Variants in RSU1 observed in about 807,000 individuals in gnomAD.
The protein encoded by RSU1 is rsu-1.
Under a neutral mutation model 31.1 loss-of-function variants are expected in RSU1, and 26 were observed. The ratio of observed to expected loss-of-function variants is 0.84; its 90% CI spans 0.61 to 1.16. The LOEUF (loss-of-function observed/expected upper bound fraction) is 1.16. RSU1 is among the 50% of genes most tolerant of loss of function. The pLI is 0.00. For synonymous variants in RSU1, 164 were observed against 136.3 expected (o/e 1.20, Z -1.41); for missense variants, 320 against 339.1 (o/e 0.94, Z 0.44).
At chr10:16,816,825 C>T (rs1838543657) in intron 2 of RSU1, 148 bp downstream of exon 2, 7 of 618,710 alleles carry the variant, frequency 1.1e-5, no homozygotes, top group Admixed American at 5.4e-5. Flanking sequence ...ACTGCAAACC[C>T]TCTGCGCGAA....
intron 3 of RSU1, among the ~76,000 whole-genome samples, chr10:16,779,895 G>C (rs1377705824): frequency 6.6e-6 from 1 of 152,142 alleles, no homozygotes; most frequent in Non-Finnish European, 1.5e-5. Flanking sequence ...AACAGATCGG[G>C]TGTCAGTGAC....
chr10:16,668,757 A>G (rs984787195), intron 8 of RSU1, among the ~76,000 whole-genome samples: 2 of 152,150 alleles, frequency 1.3e-5, no homozygotes, highest in African/African-American at 4.8e-5. Context: ...CTGTAAATAA[A>G]AGGAGGCACA....
intron 8 of RSU1, among the ~76,000 whole-genome samples, chr10:16,691,810 C>T (rs980043476): frequency 6.8e-6 from 1 of 147,742 alleles, no homozygotes; most frequent in South Asian, 2.2e-4. Flanking sequence ...TCTATCTCAA[C>T]TCACTGCAAC....
chr10:16,637,505 C>T (rs966891163), intron 8 of RSU1, among the ~76,000 whole-genome samples: 18 of 151,030 alleles, frequency 1.2e-4, no homozygotes, highest in South Asian at 4.2e-4. Flanking sequence ...TTCAGTTCTG[C>T]GAAGTCTTTT....
chr10:16,713,991 T>C (rs1836074231), intron 7 of RSU1, among the ~76,000 whole-genome samples: 1 of 152,210 alleles, frequency 6.6e-6, no homozygotes, highest in Admixed American at 6.5e-5. Flanking sequence ...TGGCCTATGC[T>C]GTAGGTATTT....
intron 2 of RSU1, among the ~76,000 whole-genome samples, chr10:16,813,425 G>A (rs765831636): frequency 6.6e-6 from 1 of 152,198 alleles, no homozygotes; most frequent in Non-Finnish European, 1.5e-5. Context: ...TACTGACTAT[G>A]TTGGAACTGG....
chr10:16,728,042 G>A lies in RSU1; in HGVS notation c.598+24497C>T, dbSNP rs141830132. Among the ~76,000 whole-genome samples, 326 of 152,328 alleles carry A rather than the reference G, an allele frequency of 2.1e-3. 1 individual carries two copies. Among genetic ancestry groups the A allele is most frequent in the African/African-American group, 7.2e-3 (298 of 41,568 alleles). The stretch of plus-strand genomic sequence containing the variant: ...TAGGGCTCCCTGTCTTCAACAAATT[G>A]TATCTTTCAAAACTGCCAGTAAGGC... On this transcript the variant is annotated intron_variant, in intron 7 of 8. Coordinates refer to ENST00000345264, the MANE Select transcript of RSU1 (RefSeq NM_012425.4).
intron 8 of RSU1, among the ~76,000 whole-genome samples, chr10:16,663,096 G>A (rs1834918087): frequency 6.6e-6 from 1 of 152,052 alleles, no homozygotes; most frequent in African/African-American, 2.4e-5. Context: ...TCAGATGGGT[G>A]CTTTCCCTTC....
At chr10:16,783,711 G>A (rs1028222674) in intron 2 of RSU1, among the ~76,000 whole-genome samples, 1 of 151,094 alleles carries the variant, frequency 6.6e-6, no homozygotes, top group Admixed American at 6.6e-5. Flanking sequence ...AACTTATAGA[G>A]AAGTTCAAAA....
chr10:16,621,617 C>T (rs550239876), intron 8 of RSU1, among the ~76,000 whole-genome samples: 33 of 152,270 alleles, frequency 2.2e-4, no homozygotes, highest in African/African-American at 7.7e-4. Context: ...CTCACAATCA[C>T]GGTGGAAGGT....
At chr10:16,816,908 A>G in intron 2 of RSU1, 65 bp downstream of exon 2, 1 of 1,107,016 alleles carries the variant, frequency 9.0e-7, no homozygotes, top group Non-Finnish European at 1.4e-6. Context: ...CAGGACCAGC[A>G]GTGAATTGGC....
intron 2 of RSU1, among the ~76,000 whole-genome samples, chr10:16,806,136 T>C (rs1364761193): frequency 1.3e-5 from 2 of 152,230 alleles, no homozygotes; most frequent in Admixed American, 6.5e-5. Context: ...GTGTAAGTAT[T>C]TTGGGAAGAT....
intron 7 of RSU1, among the ~76,000 whole-genome samples, chr10:16,702,242 T>C (rs984075231): frequency 6.6e-6 from 1 of 152,158 alleles, no homozygotes; most frequent in African/African-American, 2.4e-5. Context: ...ATGGAGAACC[T>C]CTACTAGGGC....
intron 8 of RSU1, among the ~76,000 whole-genome samples, chr10:16,604,036 G>C (rs1488402287): frequency 6.6e-6 from 1 of 152,114 alleles, no homozygotes; most frequent in Non-Finnish European, 1.5e-5. Context: ...GCTGGAGGAT[G>C]ATATGATACA....
chr10:16,746,888 C>G (rs1336022755), intron 7 of RSU1, among the ~76,000 whole-genome samples: 1 of 152,092 alleles, frequency 6.6e-6, no homozygotes, highest in African/African-American at 2.4e-5. Flanking sequence ...GCTGAAAATA[C>G]TGGGCAAAAA....
intron 2 of RSU1, among the ~76,000 whole-genome samples, chr10:16,811,628 G>T (rs1838411447): frequency 6.6e-6 from 1 of 152,186 alleles, no homozygotes; most frequent in South Asian, 2.1e-4. Flanking sequence ...TCATGCCAAA[G>T]GGGCTACACC....
Position 16,787,291 on chromosome 10 carries a change from C to T in RSU1, c.110-5207G>A, listed in dbSNP as rs1050283361. Among the ~76,000 whole-genome samples the T allele has an allele frequency of 1.6e-4, 24 of 152,240 alleles. No homozygotes were observed. The Middle Eastern group carries it at 0.01, about 65-fold the overall frequency. ...TGCGAGCCCTTTCAATTATCCAACA[C>T]GTGTTCCACTATGTAGAGCAACCAA... On this transcript the variant is annotated intron_variant, in intron 2 of 8. Coordinates refer to ENST00000345264, the MANE Select transcript of RSU1 (RefSeq NM_012425.4).
At chr10:16,701,265 A>T (rs993946738) in intron 7 of RSU1, among the ~76,000 whole-genome samples, 1 of 152,236 alleles carries the variant, frequency 6.6e-6, no homozygotes, top group Admixed American at 6.5e-5. Flanking sequence ...TAATTTAAGT[A>T]TAGCCTATTG....
chr10:16,592,434 A>T lies in RSU1; in HGVS notation c.*960T>A, dbSNP rs1416651566. The T allele has an allele frequency of 6.6e-6, 1 of 152,128 alleles. No homozygotes were observed. Among genetic ancestry groups the T allele is most frequent in the African/African-American group, 2.4e-5 (1 of 41,426 alleles). The allele number at this position is 152,128 out of a possible 1,614,324, so 9.4% of individuals were successfully genotyped here. On this transcript the variant is annotated 3_prime_UTR_variant, in exon 9 of 9. Transcript: ENST00000345264. ...TAAACAAACAATTGATTGTTTAATG[A>T]CTCTGCAACTGTGGTTTCCACCCTG...
Sources: gnomAD v4.1 joint callset for allele counts (sites outside exome capture counted in the v4.1 genomes callset) on GRCh38, gnomAD v4.1.1 for gene constraint, MANE v1.5 for transcripts, NCBI Gene and HGNC (gene_info 2026-07-23, HGNC 2026-07-21) for gene names.